PDE1C: variants seen among roughly 807,000 people sequenced by gnomAD.
PDE1C encodes the protein phosphodiesterase 1C.
In PDE1C, 62 loss-of-function variants were observed where a neutral mutation model predicts 93.1. That is an observed-to-expected ratio of 0.67 (90% CI 0.54 to 0.82). PDE1C has a LOEUF of 0.82. Ranked by LOEUF, PDE1C falls within the 40% of genes least tolerant of loss-of-function variation. PDE1C has a pLI of 0.00. For missense variants in PDE1C, 742 were observed against 884.6 expected (o/e 0.84, Z 2.04); for synonymous variants, 325 against 310.1 (o/e 1.05, Z -0.50).
At chr7:31,749,265 A>C (rs1294376259), downstream of PDE1C, among the ~76,000 whole-genome samples, 1 of 152,062 alleles carries the variant, frequency 6.6e-6, no homozygotes, top group Non-Finnish European at 1.5e-5. Flanking sequence ...AAAAAAAATA[A>C]ACAAGCAGAA....
At chr7:32,263,234 G>A (rs988239381) in intron 1 of PDE1C, among the ~76,000 whole-genome samples, 1 of 152,038 alleles carries the variant, frequency 6.6e-6, no homozygotes, top group African/African-American at 2.4e-5. Flanking sequence ...AAACAAAAAT[G>A]GTACAAACGA....
intron 16 of PDE1C, chr7:31,790,269 A>C: frequency 1.9e-6 from 3 of 1,607,844 alleles, no homozygotes; most frequent in Non-Finnish European, 2.6e-6. Context: ...TCTGAAAAAA[A>C]GAAAAAGAAA....
chr7:32,306,162 C>T (rs1476992383), intron 1 of PDE1C, among the ~76,000 whole-genome samples: 1 of 152,170 alleles, frequency 6.6e-6, no homozygotes, highest in East Asian at 1.9e-4. Flanking sequence ...GAGGCCTCCC[C>T]AGCCATGTGG....
chr7:31,826,559 C>A (rs1367551501), intron 12 of PDE1C, among the ~76,000 whole-genome samples: 1 of 152,142 alleles, frequency 6.6e-6, no homozygotes, highest in African/African-American at 2.4e-5. Context: ...AGCTTCCCCA[C>A]AACCTTTGTA....
At chr7:32,387,221 G>A (rs215724) in intron 1 of PDE1C, among the ~76,000 whole-genome samples, 112,260 of 151,380 alleles carry the variant, frequency 0.74, 43,908 homozygotes, top group East Asian at 0.96. Flanking sequence ...GGATCCCAAG[G>A]CAGAAGAATT....
intron 2 of PDE1C, among the ~76,000 whole-genome samples, chr7:32,031,780 A>G (rs1390362719): frequency 6.6e-6 from 1 of 152,140 alleles, no homozygotes; most frequent in Admixed American, 6.5e-5. Context: ...GGAAAGTAGG[A>G]GAGGCCCCTC....
chr7:32,164,436 A>C (rs947244938), intron 3 of PDE1C, among the ~76,000 whole-genome samples: 2 of 152,180 alleles, frequency 1.3e-5, no homozygotes, highest in African/African-American at 2.4e-5. Flanking sequence ...TTTTTCACCA[A>C]CAACAAATCT....
chr7:32,186,101 T>TG (rs1562559931), intron 2 of PDE1C, among the ~76,000 whole-genome samples: 14 of 145,060 alleles, frequency 9.7e-5, no homozygotes, highest in African/African-American at 1.8e-4. Context: ...TTTTTTTTTT[T>TG]TTTTTTTTTT....
At chr7:32,192,214 T>A (rs1412740623) in intron 2 of PDE1C, among the ~76,000 whole-genome samples, 1 of 152,222 alleles carries the variant, frequency 6.6e-6, no homozygotes, top group Non-Finnish European at 1.5e-5. Flanking sequence ...TTTTTAATGT[T>A]GATGAAGCCC....
intron 2 of PDE1C, among the ~76,000 whole-genome samples, chr7:32,194,104 CAG>C (rs1804436845): frequency 6.6e-6 from 1 of 151,964 alleles, no homozygotes; most frequent in African/African-American, 2.4e-5. Context: ...TTAGTAGAGA[CAG>C]GGTTTCACCA....
At chr7:32,087,508 C>A (rs1379940902) in intron 3 of PDE1C, among the ~76,000 whole-genome samples, 1 of 152,032 alleles carries the variant, frequency 6.6e-6, no homozygotes, top group African/African-American at 2.4e-5. Context: ...TGGGTATATA[C>A]CCAAAGGACT....
At chr7:32,172,472 C>T (rs1352456228) in intron 2 of PDE1C, among the ~76,000 whole-genome samples, 1 of 152,064 alleles carries the variant, frequency 6.6e-6, no homozygotes, top group African/African-American at 2.4e-5. Context: ...TAGAGAAATG[C>T]AAATCAAAAC....
At chr7:31,749,458 G>C (rs1794074446), downstream of PDE1C, among the ~76,000 whole-genome samples, 1 of 152,154 alleles carries the variant, frequency 6.6e-6, no homozygotes, top group Non-Finnish European at 1.5e-5. Flanking sequence ...GTGACCCAGA[G>C]TCAATGCCCA....
chr7:31,773,945 G>A (rs1371396145), intron 17 of PDE1C, among the ~76,000 whole-genome samples: 1 of 152,210 alleles, frequency 6.6e-6, no homozygotes, highest in East Asian at 1.9e-4. Flanking sequence ...GCCAAGGGAA[G>A]AAGAGAATAA....
Position 31,780,841 on chromosome 7 carries a change from G to A in PDE1C, c.1892-5109C>T, listed in dbSNP as rs1027459318. Among the ~76,000 whole-genome samples the A allele has an allele frequency of 3.8e-3, 536 of 139,494 alleles. 4 individuals carry two copies. Among genetic ancestry groups the A allele is most frequent in the African/African-American group, 0.014 (516 of 37,180 alleles). 91.5% of individuals were successfully genotyped at this position (139,494 alleles called of 152,430 possible). On this transcript the variant is annotated intron_variant, in intron 16 of 17. Transcript: ENST00000396191. ...TGTGTGTGTGTGTGTGTGTGTGTGT[G>A]TGTCTAAGTAGGTAATCTGTCATCT...
At chr7:32,360,858 T>C (rs1297930534) in intron 1 of PDE1C, among the ~76,000 whole-genome samples, 2 of 152,092 alleles carry the variant, frequency 1.3e-5, no homozygotes, top group African/African-American at 2.4e-5. Context: ...ACAAAGGCAA[T>C]AGAAACCCAT....
chr7:32,418,519 T>A (rs1004471969), intron 1 of PDE1C, among the ~76,000 whole-genome samples: 4 of 152,308 alleles, frequency 2.6e-5, no homozygotes, highest in African/African-American at 7.2e-5. Context: ...ACTTTTTCAA[T>A]CATTAAAAAA....
intron 2 of PDE1C, among the ~76,000 whole-genome samples, chr7:32,181,956 G>A (rs998803453): frequency 2.6e-5 from 4 of 152,118 alleles, no homozygotes; most frequent in Non-Finnish European, 5.9e-5. Flanking sequence ...AATAAAAAAT[G>A]ATACAGGGGA....
chr7:31,798,489 CA>C (rs1785587575), intron 16 of PDE1C, among the ~76,000 whole-genome samples: 1 of 151,664 alleles, frequency 6.6e-6, no homozygotes, highest in Non-Finnish European at 1.5e-5. Flanking sequence ...CAAGAATTCT[CA>C]AAATGCCAAA....
Sources: allele counts gnomAD v4.1 joint callset (sites outside exome capture counted in the v4.1 genomes callset), GRCh38; gene constraint gnomAD v4.1.1; transcripts MANE v1.5; gene names NCBI Gene and HGNC (gene_info 2026-07-23, HGNC 2026-07-21).